The following AAMDC variants were observed in gnomAD, a reference collection of about 807,000 sequenced individuals.
AAMDC encodes adipogenesis associated Mth938 domain containing.
In AAMDC, 16 loss-of-function variants were observed where a neutral mutation model predicts 15.5. The ratio of observed to expected loss-of-function variants is 1.03; its 90% confidence interval spans 0.70 to 1.57. The LOEUF (loss-of-function observed/expected upper bound fraction) is 1.57. AAMDC is among the 40% of genes most tolerant of loss of function. The pLI, the probability that AAMDC is intolerant of heterozygous loss-of-function variation, is 0.00. For missense variants in AAMDC, 141 were observed against 144.9 expected (o/e 0.97, Z 0.14); for synonymous variants, 51 against 51.6 (o/e 0.99, Z 0.05).
intron 1 of AAMDC, among the ~76,000 whole-genome samples, chr11:77,827,207 A>T (rs1332428992): frequency 6.6e-6 from 1 of 152,206 alleles, no homozygotes. Flanking sequence ...GGTCAGTTCT[A>T]CCAAAAGTTG....
chr11:77,885,734 A>T (rs1565222566), intron 5 of AAMDC, among the ~76,000 whole-genome samples: 1 of 151,998 alleles, frequency 6.6e-6, no homozygotes, highest in Non-Finnish European at 1.5e-5. Context: ...CAGGAGAATC[A>T]CTTGAACCTG....
At chr11:77,823,645 A>C (rs1949041096) in intron 1 of AAMDC, among the ~76,000 whole-genome samples, 1 of 151,276 alleles carries the variant, frequency 6.6e-6, no homozygotes, top group African/African-American at 2.4e-5. Context: ...AAAAAAAAGA[A>C]TAATTTGACC....
intron 5 of AAMDC, among the ~76,000 whole-genome samples, chr11:77,879,441 G>C (rs767675823): frequency 1.3e-5 from 2 of 152,198 alleles, no homozygotes; most frequent in African/African-American, 4.8e-5. Context: ...TCTTATGCAG[G>C]TGTGGATTTG....
chr11:77,898,609 TAA>T (rs933954806), intron 5 of AAMDC, among the ~76,000 whole-genome samples: 29 of 152,238 alleles, frequency 1.9e-4, no homozygotes, highest in African/African-American at 5.8e-4. Flanking sequence ...CTGATAAATA[TAA>T]GTTCAATATG....
chr11:77,853,921 AC>A (rs1431245957), intron 2 of AAMDC, among the ~76,000 whole-genome samples: 1 of 151,778 alleles, frequency 6.6e-6, no homozygotes, highest in Non-Finnish European at 1.5e-5. Context: ...AGCCTGAGTG[AC>A]AGAGTGAGAC....
At chr11:77,870,615 G>T (rs1951384888) in intron 3 of AAMDC, among the ~76,000 whole-genome samples, 1 of 152,102 alleles carries the variant, frequency 6.6e-6, no homozygotes, top group Non-Finnish European at 1.5e-5. Context: ...GGGATTACGG[G>T]TGTGAGCCAC....
At chr11:77,852,788 G>A (rs1021460863) in intron 2 of AAMDC, among the ~76,000 whole-genome samples, 3 of 151,484 alleles carry the variant, frequency 2.0e-5, no homozygotes, top group Admixed American at 1.3e-4. Context: ...TTTTCCATAC[G>A]CAAAAGGTAG....
At chr11:77,875,722 G>A (rs1414435080), downstream of AAMDC, among the ~76,000 whole-genome samples, 1 of 152,180 alleles carries the variant, frequency 6.6e-6, no homozygotes, top group Non-Finnish European at 1.5e-5. Flanking sequence ...GGAACATAGA[G>A]GAAATGTTCC....
chr11:77,821,301 TTAA>T (rs1948886583), intron 1 of AAMDC, 60 bp downstream of exon 1: 1 of 177,782 alleles, frequency 5.6e-6, no homozygotes, highest in African/African-American at 2.4e-5. Flanking sequence ...TTGAGGAGAA[TTAA>T]TAAACAGAAA....
intron 2 of AAMDC, among the ~76,000 whole-genome samples, chr11:77,858,236 C>G (rs1374949877): frequency 4.0e-5 from 6 of 148,918 alleles, no homozygotes; most frequent in African/African-American, 1.5e-4. Flanking sequence ...GCTCTGTCAC[C>G]CAGGCTGGAG....
chr11:77,881,605 G>A (rs1275425610), intron 5 of AAMDC, among the ~76,000 whole-genome samples: 3 of 152,180 alleles, frequency 2.0e-5, no homozygotes, highest in African/African-American at 7.2e-5. Context: ...TTGGTCTAAA[G>A]ATTAAATGAA....
At chr11:77,826,373 G>A (rs1949173768) in intron 1 of AAMDC, among the ~76,000 whole-genome samples, 1 of 149,624 alleles carries the variant, frequency 6.7e-6, no homozygotes, top group Non-Finnish European at 1.5e-5. Context: ...AAAAAAAAAA[G>A]ATGGGGGACA....
At chr11:77,852,242 G>T (rs12802113) in intron 2 of AAMDC, among the ~76,000 whole-genome samples, 2 of 75,518 alleles carry the variant, frequency 2.6e-5, no homozygotes, top group Non-Finnish European at 5.2e-5. Context: ...AAAAAAAAAA[G>T]AAGAAGAAGA....
intron 3 of AAMDC, among the ~76,000 whole-genome samples, chr11:77,870,244 C>T (rs1004873686): frequency 6.7e-5 from 10 of 148,964 alleles, no homozygotes; most frequent in Non-Finnish European, 1.2e-4. Context: ...TGGTCTTGAG[C>T]TCCTGAGCTC....
chr11:77,834,492 G>A (rs567082608), intron 1 of AAMDC, among the ~76,000 whole-genome samples: 2 of 127,238 alleles, frequency 1.6e-5, no homozygotes, highest in African/African-American at 6.1e-5. Context: ...TCGGCTCACT[G>A]CAACCTCCTC....
intron 5 of AAMDC, among the ~76,000 whole-genome samples, chr11:77,881,711 T>C (rs1330821556): frequency 6.6e-6 from 1 of 152,180 alleles, no homozygotes; most frequent in Admixed American, 6.5e-5. Flanking sequence ...ACTAAAACAA[T>C]GGAGATACAG....
chr11:77,844,779 G>A (rs540636872), intron 2 of AAMDC, among the ~76,000 whole-genome samples: 110 of 152,188 alleles, frequency 7.2e-4, no homozygotes, highest in African/African-American at 2.4e-3. Context: ...TTTCTTTGTC[G>A]TTATTATTAA....
At chr11:77,852,114 C>G (rs1050704328) in intron 2 of AAMDC, among the ~76,000 whole-genome samples, 1 of 150,172 alleles carries the variant, frequency 6.7e-6, no homozygotes, top group Non-Finnish European at 1.5e-5. Flanking sequence ...CATCTGTAAT[C>G]CCAGCACTTT....
intron 5 of AAMDC, among the ~76,000 whole-genome samples, chr11:77,890,427 GGCCCTTCTCTCATATCCCTTGT>G (rs1169780037): frequency 2.0e-5 from 3 of 151,726 alleles, no homozygotes; most frequent in African/African-American, 4.8e-5. Flanking sequence ...ATATCCCTTT[GGCCCTTCTCTCATATCCCTTGT>G]GCCCTTCTCC....
Sources: gnomAD v4.1 joint callset for allele counts (sites outside exome capture counted in the v4.1 genomes callset) on GRCh38, gnomAD v4.1.1 for gene constraint, MANE v1.5 for transcripts, NCBI Gene and HGNC (gene_info 2026-07-23, HGNC 2026-07-21) for gene names.